NEDD4L: variants seen among roughly 807,000 people sequenced by gnomAD.
NEDD4L encodes NEDD4 like E3 ubiquitin protein ligase, also known as E3 ubiquitin-protein ligase NEDD4-like.
In NEDD4L, 54 loss-of-function variants were observed where a neutral mutation model predicts 148.9. The ratio of observed to expected loss-of-function variants is 0.36; its 90% CI spans 0.29 to 0.45. The LOEUF is 0.45. NEDD4L is among the 20% of genes least tolerant of loss of function. The probability of loss-of-function intolerance (pLI) is 1.00; values close to 1 mark genes in which losing one functional copy is unlikely to be tolerated. For synonymous variants in NEDD4L, 433 were observed against 440.7 expected (o/e 0.98, Z 0.22); for missense variants, 856 against 1,233.8 (o/e 0.69, Z 4.59).
Position 58,390,510 on chromosome 18 carries a change from C to T in NEDD4L, c.2656-136C>T, listed in dbSNP as rs553888747. The stretch of plus-strand genomic sequence containing the variant: ...AGCTAGTATTGTGGCCATAAAAAAC[C>T]TACTCAGTTTTCAGAGTCAACTGTC... On this transcript the variant is annotated intron_variant, in intron 28 of 30. Coordinates refer to ENST00000400345, the MANE Select transcript of NEDD4L (RefSeq NM_001144967.3). 6.6e-5 allele frequency: 39 copies of T among 593,304 alleles called. 1 individual carries two copies. The highest frequency in any genetic ancestry group is 1.2e-4 in the Non-Finnish European group (38 of 322,584). 36.8% of individuals were successfully genotyped at this position (593,304 alleles called of 1,614,324 possible). A position where few individuals can be genotyped will look rare whatever the true frequency, so the allele number is the denominator to read the frequency against.
chr18:58,156,288 G>A (rs781273216), intron 1 of NEDD4L, among the ~76,000 whole-genome samples: 5 of 152,160 alleles, frequency 3.3e-5, no homozygotes, highest in Admixed American at 6.5e-5. Context: ...ACCCCCTTCC[G>A]CAAATGCTAT....
intron 2 of NEDD4L, among the ~76,000 whole-genome samples, chr18:58,237,884 G>A (rs2046213253): frequency 6.6e-6 from 1 of 152,200 alleles, no homozygotes; most frequent in South Asian, 2.1e-4. Flanking sequence ...AAGGGGGGCT[G>A]CAAGGCCAGA....
intron 1 of NEDD4L, among the ~76,000 whole-genome samples, chr18:58,122,871 T>G (rs1233905082): frequency 6.6e-6 from 1 of 152,096 alleles, no homozygotes; most frequent in Non-Finnish European, 1.5e-5. Flanking sequence ...GAGTAGGGAT[T>G]ACAGGTGTGT....
At chr18:58,124,780 TA>T (rs1276813122) in intron 1 of NEDD4L, among the ~76,000 whole-genome samples, 6 of 152,272 alleles carry the variant, frequency 3.9e-5, no homozygotes, top group Non-Finnish European at 8.8e-5. Flanking sequence ...TATTCAATAA[TA>T]ATCACTAACA....
intron 1 of NEDD4L, among the ~76,000 whole-genome samples, chr18:58,062,053 C>A (rs898419556): frequency 6.6e-6 from 1 of 152,164 alleles, no homozygotes; most frequent in Non-Finnish European, 1.5e-5. Context: ...CATAATATCT[C>A]ATTATTGGTA....
At chr18:58,359,551 T>C (rs566715216) in intron 19 of NEDD4L, among the ~76,000 whole-genome samples, 87 of 152,360 alleles carry the variant, frequency 5.7e-4, no homozygotes, top group African/African-American at 2.0e-3. Flanking sequence ...ATGTTTTATC[T>C]TTTTTCTCCC....
chr18:58,303,231 G>A (rs954532591), intron 5 of NEDD4L, among the ~76,000 whole-genome samples: 35 of 152,218 alleles, frequency 2.3e-4, no homozygotes, highest in African/African-American at 8.4e-4. Context: ...TTGATCTTGT[G>A]TTTTGAGACA....
At chr18:58,143,980 G>A (rs998519208) in intron 1 of NEDD4L, among the ~76,000 whole-genome samples, 2 of 152,162 alleles carry the variant, frequency 1.3e-5, no homozygotes, top group African/African-American at 4.8e-5. Flanking sequence ...GATAGAAACA[G>A]CAGGTGGTTC....
chr18:58,369,252 C>G (rs962878749), intron 22 of NEDD4L, among the ~76,000 whole-genome samples: 1 of 152,036 alleles, frequency 6.6e-6, no homozygotes, highest in Admixed American at 6.6e-5. Context: ...GAGGACCAGC[C>G]CAGAGTCAAG....
chr18:58,315,129 A>ATAT (rs1232803710), intron 5 of NEDD4L, among the ~76,000 whole-genome samples: 61 of 152,264 alleles, frequency 4.0e-4, no homozygotes, highest in African/African-American at 1.4e-3. Flanking sequence ...AACCAGCTGC[A>ATAT]TCTTTTTATA....
intron 2 of NEDD4L, among the ~76,000 whole-genome samples, chr18:58,173,048 T>C (rs1489358588): frequency 2.0e-5 from 3 of 152,222 alleles, no homozygotes; most frequent in African/African-American, 7.2e-5. Context: ...AGGTATATTT[T>C]GCTAAGTAAG....
At chr18:58,117,678 G>A (rs986476958) in intron 1 of NEDD4L, among the ~76,000 whole-genome samples, 4 of 152,130 alleles carry the variant, frequency 2.6e-5, no homozygotes, top group African/African-American at 7.2e-5. Context: ...AAACGTACCC[G>A]GGCTATTCTG....
At chr18:58,125,686 G>A (rs1014786059) in intron 1 of NEDD4L, among the ~76,000 whole-genome samples, 1 of 152,054 alleles carries the variant, frequency 6.6e-6, no homozygotes, top group Admixed American at 6.5e-5. Flanking sequence ...CCTATGTACG[G>A]TAACTTTTCT....
At chr18:58,123,368 A>G (rs1307076667) in intron 1 of NEDD4L, among the ~76,000 whole-genome samples, 1 of 151,886 alleles carries the variant, frequency 6.6e-6, no homozygotes, top group Non-Finnish European at 1.5e-5. Context: ...CAGCCTTCCC[A>G]CTTGAAATCG....
At chr18:58,369,547 T>G (rs1485428606) in intron 22 of NEDD4L, among the ~76,000 whole-genome samples, 2 of 152,222 alleles carry the variant, frequency 1.3e-5, no homozygotes, top group African/African-American at 4.8e-5. Flanking sequence ...TTCATGCTTT[T>G]ACTTCCCCAG....
At chr18:58,117,734 C>T (rs2085943796) in intron 1 of NEDD4L, among the ~76,000 whole-genome samples, 1 of 152,160 alleles carries the variant, frequency 6.6e-6, no homozygotes, top group African/African-American at 2.4e-5. Flanking sequence ...TCTCTGGAGT[C>T]TCTCTTTCTG....
In NEDD4L at chr18:58,396,984, A is replaced by G. The variant is rs2050537267; in HGVS notation, c.*715A>G. The G allele has an allele frequency of 6.6e-6, 1 of 152,662 alleles. No individual in the cohort carries two copies. Among genetic ancestry groups the G allele is most frequent in the African/African-American group, 2.4e-5 (1 of 41,458 alleles). The allele number at this position is 152,662 out of a possible 1,614,324, so 9.5% of individuals were successfully genotyped here. On this transcript the variant is annotated 3_prime_UTR_variant, in exon 31 of 31. Transcript: ENST00000400345. Reference sequence around the variant, plus strand: ...ATTTAGCTAATAGCTACAGGCTGAGAGAATTGTAACATAGCATGACAAATT... The same window carrying G: ...ATTTAGCTAATAGCTACAGGCTGAGGGAATTGTAACATAGCATGACAAATT...
chr18:58,260,503 G>T (rs2049221761), intron 5 of NEDD4L, among the ~76,000 whole-genome samples: 1 of 152,168 alleles, frequency 6.6e-6, no homozygotes, highest in Non-Finnish European at 1.5e-5. Context: ...AATATGTATG[G>T]CTGTCCCATT....
In NEDD4L at chr18:58,374,824, C is replaced by T. The variant is rs145146813; in HGVS notation, c.2352+1555C>T. On this transcript the variant is annotated intron_variant, in intron 24 of 30. Transcript: ENST00000400345. Reference sequence around the variant, plus strand: ...AGGTGTCACCCTGCCAGCTGTCCTGCACCCGCTGCTTTTTTGTCTCACCCT... The same window carrying T: ...AGGTGTCACCCTGCCAGCTGTCCTGTACCCGCTGCTTTTTTGTCTCACCCT... Among the ~76,000 whole-genome samples the T allele has an allele frequency of 3.4e-3, 516 of 152,238 alleles. 6 individuals are homozygous for T. Among genetic ancestry groups the T allele is most frequent in the African/African-American group, 0.012 (484 of 41,546 alleles).
Sources: gnomAD v4.1 joint callset for allele counts (sites outside exome capture counted in the v4.1 genomes callset) on GRCh38, gnomAD v4.1.1 for gene constraint, MANE v1.5 for transcripts, NCBI Gene and HGNC (gene_info 2026-07-23, HGNC 2026-07-21) for gene names.